CCDC178: variants seen among roughly 807,000 people sequenced by gnomAD.
The protein encoded by CCDC178 is coiled-coil domain containing 178, also known as coiled-coil domain-containing protein 178.
A neutral mutation model predicts 117.4 loss-of-function variants in CCDC178; 126 were observed. The observed-to-expected ratio is 1.07, with a 90% CI of 0.93 to 1.24. The LOEUF is 1.24. Among genes scored for constraint, CCDC178 ranks in the 50% most tolerant of loss-of-function variants. The pLI is 0.00. For synonymous variants in CCDC178, 283 were observed against 313.4 expected (o/e 0.90, Z 1.02); for missense variants, 1,030 against 986.9 (o/e 1.04, Z -0.59).
At chr18:33,249,528 C>G (rs1568087666) in intron 14 of CCDC178, among the ~76,000 whole-genome samples, 2 of 152,018 alleles carry the variant, frequency 1.3e-5, no homozygotes, top group Non-Finnish European at 2.9e-5. Flanking sequence ...ATAGGGAATC[C>G]TTTCCCCATT....
intron 20 of CCDC178, among the ~76,000 whole-genome samples, chr18:33,200,250 T>C (rs1695760598): frequency 6.6e-6 from 1 of 152,234 alleles, no homozygotes; most frequent in Admixed American, 6.5e-5. Context: ...CAAGGTTCTT[T>C]GATGGGAGAG....
intron 14 of CCDC178, among the ~76,000 whole-genome samples, chr18:33,264,453 T>C (rs933960826): frequency 1.3e-5 from 2 of 152,098 alleles, no homozygotes; most frequent in Non-Finnish European, 2.9e-5. Context: ...TACTGATTGT[T>C]TATTAATTCT....
In CCDC178 at chr18:33,176,424, G is replaced by C. The variant is rs995004000; in HGVS notation, c.2238+35472C>G. ...TTTTTCTCTTACTATCATATTTTGT[G>C]ATTTATTTGCTGGGCCCATCAAGAG... On this transcript the variant is annotated intron_variant, in intron 20 of 22. Transcript: ENST00000383096. 2.6e-5 allele frequency among the ~76,000 whole-genome samples: 4 copies of C among 152,114 alleles called. No individual in the cohort carries two copies. In the South Asian group the frequency reaches 8.3e-4, roughly 32 times the overall value.
intron 2 of CCDC178, among the ~76,000 whole-genome samples, chr18:33,435,509 G>A (rs572639436): frequency 1.2e-3 from 177 of 151,934 alleles, no homozygotes; most frequent in African/African-American, 4.2e-3. Context: ...GAATAAATGA[G>A]ACCCTTTTCT....
chr18:33,321,629 TAA>T (rs2062509641), intron 11 of CCDC178, among the ~76,000 whole-genome samples: 1 of 151,952 alleles, frequency 6.6e-6, no homozygotes, highest in Admixed American at 6.6e-5. Flanking sequence ...CTGACAACAT[TAA>T]GTTTGCCTGT....
chr18:33,194,900 CAAAAAAA>C (rs530764182), intron 20 of CCDC178, among the ~76,000 whole-genome samples: 1 of 56,122 alleles, frequency 1.8e-5, no homozygotes, highest in Non-Finnish European at 3.6e-5. Context: ...TCTGTTTCTA[CAAAAAAA>C]AAAAAAAAAA....
intron 7 of CCDC178, among the ~76,000 whole-genome samples, chr18:33,352,339 G>A (rs942313130): frequency 3.9e-5 from 6 of 151,962 alleles, no homozygotes; most frequent in Non-Finnish European, 8.8e-5. Flanking sequence ...TTTAGCTAAA[G>A]GTTTGTGAAT....
intron 20 of CCDC178, among the ~76,000 whole-genome samples, chr18:33,197,448 T>C (rs1230855501): frequency 6.6e-6 from 1 of 152,118 alleles, no homozygotes; most frequent in Non-Finnish European, 1.5e-5. Context: ...TATTTGTGTG[T>C]AGTGGGGTAG....
At chr18:33,273,363 C>T (rs2059911007) in intron 12 of CCDC178, among the ~76,000 whole-genome samples, 1 of 151,484 alleles carries the variant, frequency 6.6e-6, no homozygotes, top group African/African-American at 2.4e-5. Flanking sequence ...CTGAAAATTA[C>T]AACACATAGT....
chr18:33,212,080 C>A, intron 19 of CCDC178, 25 bp from the exon 20 acceptor site: 1 of 1,508,306 alleles, frequency 6.6e-7, no homozygotes, highest in South Asian at 1.3e-5. Flanking sequence ...TTCCATGTGC[C>A]ACTAATCAAT....
chr18:33,353,302 C>A (rs1029368393), intron 7 of CCDC178, among the ~76,000 whole-genome samples: 3 of 152,020 alleles, frequency 2.0e-5, no homozygotes, highest in Non-Finnish European at 4.4e-5. Flanking sequence ...CTTTGTATCT[C>A]AGGTGAGACT....
At chr18:33,113,040 T>C (rs1290410805) in intron 20 of CCDC178, among the ~76,000 whole-genome samples, 1 of 152,016 alleles carries the variant, frequency 6.6e-6, no homozygotes, top group African/African-American at 2.4e-5. Context: ...TTGAGACTTC[T>C]CCTTATAAGA....
chr18:33,027,221 G>A lies in CCDC178; in HGVS notation c.2389-52540C>T, dbSNP rs928158138. Among the ~76,000 whole-genome samples, 6 of 151,772 alleles carry A rather than the reference G, an allele frequency of 4.0e-5. No homozygotes were observed. In the East Asian group the frequency reaches 1.2e-3, roughly 29 times the overall value. On this transcript the variant is annotated intron_variant, in intron 21 of 22. Coordinates refer to ENST00000383096, the MANE Select transcript of CCDC178 (RefSeq NM_001105528.4). ...ATGATATCAAGAGTACCCATGAAAA[G>A]GTTAGTAAAAGAATAAATAACTAAC...
At chr18:33,156,510 C>G (rs532424072) in intron 20 of CCDC178, among the ~76,000 whole-genome samples, 64 of 151,294 alleles carry the variant, frequency 4.2e-4, no homozygotes, top group South Asian at 1.0e-3. Context: ...TTCTCACTAA[C>G]CTGTTTGTGA....
At chr18:32,961,647 A>T (rs1275890184) in intron 22 of CCDC178, among the ~76,000 whole-genome samples, 1 of 152,126 alleles carries the variant, frequency 6.6e-6, no homozygotes, top group Admixed American at 6.6e-5. Context: ...TCATATCATC[A>T]GGCATTCGAT....
chr18:33,315,417 T>C (rs1431419684), intron 11 of CCDC178, among the ~76,000 whole-genome samples: 2 of 152,128 alleles, frequency 1.3e-5, no homozygotes, highest in Non-Finnish European at 2.9e-5. Flanking sequence ...AATATGAAAA[T>C]GATAAAACAG....
At chr18:33,428,050 T>C (rs1375898356) in intron 2 of CCDC178, among the ~76,000 whole-genome samples, 4 of 152,336 alleles carry the variant, frequency 2.6e-5, no homozygotes, top group South Asian at 4.1e-4. Flanking sequence ...AAAATTCTTA[T>C]GAAAAAACTA....
At chr18:32,975,222 G>A (rs1474875898) in intron 21 of CCDC178, among the ~76,000 whole-genome samples, 3 of 152,120 alleles carry the variant, frequency 2.0e-5, no homozygotes, top group Non-Finnish European at 4.4e-5. Flanking sequence ...ATCAACTGCT[G>A]AGGGAGAACA....
rs533797912 is a variant in CCDC178 at position 33,298,132 on chromosome 18, C to T, written c.1023-4820G>A. ...CTCTCCCTAACTCATTCCACAAGAC[C>T]GCTGTAACCTTGATACCAAAACTAG... is the stretch of plus-strand genomic sequence containing the variant. On this transcript the variant is annotated intron_variant, in intron 11 of 22. Transcript: ENST00000383096. Among the ~76,000 whole-genome samples the T allele has an allele frequency of 1.6e-4, 25 of 151,774 alleles. No individual in the cohort carries two copies. The East Asian group carries it at 2.3e-3, about 14-fold the overall frequency.
Sources: gnomAD v4.1 joint callset for allele counts (sites outside exome capture counted in the v4.1 genomes callset) on GRCh38, gnomAD v4.1.1 for gene constraint, MANE v1.5 for transcripts, NCBI Gene and HGNC (gene_info 2026-07-23, HGNC 2026-07-21) for gene names.